WWOX: variants seen among roughly 807,000 people sequenced by gnomAD.
WWOX encodes WW domain containing oxidoreductase, also known as WW domain-containing oxidoreductase.
WWOX carries 69 observed loss-of-function variants against 46.2 expected under a neutral mutation model. That is an observed-to-expected ratio of 1.49 (90% CI 1.23 to 1.82). The LOEUF (loss-of-function observed/expected upper bound fraction) is 1.82, where lower values mean the gene tolerates loss of function less well. WWOX is among the 40% of genes most tolerant of loss of function. The pLI, the probability that WWOX is intolerant of heterozygous loss-of-function variation, is 0.00. For synonymous variants in WWOX, 359 were observed against 202.6 expected (o/e 1.77, Z -6.56); for missense variants, 919 against 542.6 (o/e 1.69, Z -6.89).
chr16:78,957,440 A>G (rs540114458), intron 8 of WWOX, among the ~76,000 whole-genome samples: 27 of 152,298 alleles, frequency 1.8e-4, no homozygotes, highest in East Asian at 1.4e-3. Context: ...GAACTTGTCA[A>G]CAGCCAGTGG....
intron 8 of WWOX, among the ~76,000 whole-genome samples, chr16:78,480,846 C>T (rs1022108229): frequency 1.4e-4 from 22 of 152,170 alleles, no homozygotes; most frequent in Admixed American, 2.6e-4. Context: ...TGGATTGAGA[C>T]ATCAGATTAT....
intron 8 of WWOX, among the ~76,000 whole-genome samples, chr16:78,875,326 C>G (rs759153226): frequency 3.3e-5 from 5 of 152,074 alleles, no homozygotes; most frequent in Admixed American, 2.6e-4. Flanking sequence ...TGGCAGCCAT[C>G]TTGCTTTGTA....
Position 79,102,261 on chromosome 16 carries a change from G to C in WWOX, c.1057-109347G>C, listed in dbSNP as rs75074652. Among the ~76,000 whole-genome samples the C allele has an allele frequency of 9.0e-3, 1,372 of 152,226 alleles. 18 individuals carry two copies. Among genetic ancestry groups the C allele is most frequent in the African/African-American group, 0.031 (1,302 of 41,528 alleles). ...AAAAGCTTGCTGTCTGCTTAGTTCAGGTATTGGGTCAGCGTCTTGTGACTA... is the reference window on the plus strand; with the variant it reads ...AAAAGCTTGCTGTCTGCTTAGTTCACGTATTGGGTCAGCGTCTTGTGACTA... On this transcript the variant is annotated intron_variant, in intron 8 of 8. Transcript: ENST00000566780.
At chr16:78,868,857 C>T (rs902759747) in intron 8 of WWOX, among the ~76,000 whole-genome samples, 3 of 152,154 alleles carry the variant, frequency 2.0e-5, no homozygotes, top group African/African-American at 7.2e-5. Flanking sequence ...ATCTCATTGT[C>T]TCATGGATTT....
intron 5 of WWOX, among the ~76,000 whole-genome samples, chr16:78,209,013 A>G (rs1018773505): frequency 4.6e-5 from 7 of 152,182 alleles, no homozygotes; most frequent in South Asian, 2.1e-4. Context: ...GGTTTTGTCA[A>G]TTCCTATTGG....
At chr16:78,420,668 T>TTTTTTTA (rs2082905396) in intron 6 of WWOX, among the ~76,000 whole-genome samples, 3 of 148,574 alleles carry the variant, frequency 2.0e-5, no homozygotes, top group African/African-American at 7.4e-5. Context: ...TTTTTTTTTT[T>TTTTTTTA]GAGTTAAAAA....
intron 6 of WWOX, among the ~76,000 whole-genome samples, chr16:78,393,008 T>G (rs898099492): frequency 6.6e-6 from 1 of 152,134 alleles, no homozygotes; most frequent in African/African-American, 2.4e-5. Context: ...TCAAATTATT[T>G]TGGGCATTAC....
intron 8 of WWOX, among the ~76,000 whole-genome samples, chr16:78,674,586 G>C (rs890147129): frequency 2.0e-5 from 3 of 152,068 alleles, no homozygotes; most frequent in Admixed American, 6.6e-5. Flanking sequence ...CACCCAGCCA[G>C]AACTTCATAG....
intron 8 of WWOX, among the ~76,000 whole-genome samples, chr16:78,455,724 T>C (rs2083801677): frequency 6.9e-6 from 1 of 145,120 alleles, no homozygotes; most frequent in Non-Finnish European, 1.5e-5. Context: ...TCAAGACAAA[T>C]TCAATATTAT....
At chr16:78,908,940 C>A (rs1005461524) in intron 8 of WWOX, among the ~76,000 whole-genome samples, 5 of 152,200 alleles carry the variant, frequency 3.3e-5, no homozygotes, top group African/African-American at 1.2e-4. Context: ...CTCCTAAACC[C>A]TAATTTCTAA....
chr16:78,414,949 A>G (rs1312025382), intron 6 of WWOX, among the ~76,000 whole-genome samples: 1 of 152,112 alleles, frequency 6.6e-6, no homozygotes, highest in Non-Finnish European at 1.5e-5. Flanking sequence ...AGTCTATAAA[A>G]TTAAAGTAAC....
intron 8 of WWOX, among the ~76,000 whole-genome samples, chr16:78,948,116 A>T (rs1222408870): frequency 6.6e-6 from 1 of 152,180 alleles, no homozygotes; most frequent in African/African-American, 2.4e-5. Context: ...ATCTTGCCTT[A>T]CTCAGCCTCT....
intron 8 of WWOX, among the ~76,000 whole-genome samples, chr16:78,486,799 C>G (rs1485589904): frequency 6.6e-6 from 1 of 152,180 alleles, no homozygotes; most frequent in African/African-American, 2.4e-5. Context: ...GTCTTGAACT[C>G]CTGACTTCGT....
intron 8 of WWOX, among the ~76,000 whole-genome samples, chr16:78,992,217 G>T (rs541191260): frequency 2.0e-5 from 3 of 152,234 alleles, no homozygotes; most frequent in Non-Finnish European, 4.4e-5. Context: ...ATTCTTCTAG[G>T]CTTTGTGGAC....
At chr16:78,669,137 C>T (rs913152579) in intron 8 of WWOX, among the ~76,000 whole-genome samples, 1 of 152,120 alleles carries the variant, frequency 6.6e-6, no homozygotes, top group Non-Finnish European at 1.5e-5. Flanking sequence ...CCCATCTCCA[C>T]CACAAGGAAG....
chr16:78,220,788 C>A (rs1447535848), intron 5 of WWOX, among the ~76,000 whole-genome samples: 1 of 152,070 alleles, frequency 6.6e-6, no homozygotes, highest in Non-Finnish European at 1.5e-5. Context: ...TAAGTACCAC[C>A]ATAGTTAGCG....
chr16:78,580,278 T>A (rs1363212518), intron 8 of WWOX, among the ~76,000 whole-genome samples: 2 of 152,126 alleles, frequency 1.3e-5, no homozygotes, highest in Non-Finnish European at 2.9e-5. Context: ...CTCACTATGT[T>A]GCCCAGGCTG....
rs1276097254 is a variant in WWOX, at chr16:78,682,537, C to G, written c.1056+249785C>G. On this transcript the variant is annotated intron_variant, in intron 8 of 8. Transcript: ENST00000566780. ...GTTGGAGGCTGCAACGACTTACGAT[C>G]ATGCCATGGCACTCCAGCCTGGGTG... Among the ~76,000 whole-genome samples, 4 of 152,072 alleles carry G rather than the reference C, an allele frequency of 2.6e-5. No individual in the cohort carries two copies. In the South Asian group the frequency reaches 8.3e-4, roughly 32 times the overall value.
Position 79,211,996 on chromosome 16 carries a change from G to A in WWOX, c.*200G>A. The A allele has an allele frequency of 6.7e-7, 1 of 1,498,796 alleles. No individual in the cohort carries two copies. The highest frequency in any genetic ancestry group is 9.0e-7 in the Non-Finnish European group (1 of 1,113,722). The allele number at this position is 1,498,796 out of a possible 1,614,324, so 92.8% of individuals were successfully genotyped here. A position where few individuals can be genotyped will look rare whatever the true frequency, so the allele number is the denominator to read the frequency against. On this transcript the variant is annotated 3_prime_UTR_variant, in exon 9 of 9. Coordinates refer to ENST00000566780, the MANE Select transcript of WWOX (RefSeq NM_016373.4). ...CCTGGGGTAAAGTATCACTTTTCTG[G>A]GGCTGGGCTAGGCATAGGTCTCTTT...
Sources: gnomAD v4.1 joint callset for allele counts (sites outside exome capture counted in the v4.1 genomes callset) on GRCh38, gnomAD v4.1.1 for gene constraint, MANE v1.5 for transcripts, NCBI Gene and HGNC (gene_info 2026-07-23, HGNC 2026-07-21) for gene names.